Variants in MEI4 observed in about 807,000 individuals in gnomAD.
MEI4 encodes the protein meiotic double-stranded break formation protein 4.
MEI4 carries 27 observed loss-of-function variants against 31.4 expected under a neutral mutation model. The ratio of observed to expected loss-of-function variants is 0.86; its 90% CI spans 0.63 to 1.19. The LOEUF is 1.19. MEI4 is among the 50% of genes most tolerant of loss of function. MEI4 has a pLI of 0.00. For missense variants in MEI4, 329 were observed against 398.9 expected (o/e 0.82, Z 1.49); for synonymous variants, 122 against 145.4 (o/e 0.84, Z 1.16).
At chr6:77,683,406 C>T (rs773888471) in intron 1 of MEI4, among the ~76,000 whole-genome samples, 5 of 151,974 alleles carry the variant, frequency 3.3e-5, no homozygotes, top group Admixed American at 1.3e-4. Flanking sequence ...ATTTTTTGTG[C>T]GTGGTGAGAA....
intron 2 of MEI4, among the ~76,000 whole-genome samples, chr6:77,698,899 G>A (rs1459933803): frequency 6.6e-6 from 1 of 152,108 alleles, no homozygotes; most frequent in Admixed American, 6.5e-5. Context: ...TCACTTTCAG[G>A]TACACCAATC....
intron 1 of MEI4, among the ~76,000 whole-genome samples, chr6:77,687,690 T>TA (rs1769083509): frequency 6.6e-6 from 1 of 152,060 alleles, no homozygotes; most frequent in Non-Finnish European, 1.5e-5. Flanking sequence ...GTCACTCTAT[T>TA]TATTACCAGT....
At chr6:77,724,611 A>G (rs1034078900) in intron 2 of MEI4, among the ~76,000 whole-genome samples, 90 of 147,410 alleles carry the variant, frequency 6.1e-4, no homozygotes, top group Non-Finnish European at 8.8e-4. Flanking sequence ...CCGATACTGA[A>G]GTTCAGCCGG....
chr6:77,690,827 A>C lies in MEI4; in HGVS notation c.156A>C (p.Glu52Asp). 3.2e-6 allele frequency: 4 copies of C among 1,231,574 alleles called. No individual in the cohort carries two copies. Among genetic ancestry groups the C allele is most frequent in the Non-Finnish European group, 4.1e-6 (4 of 987,456 alleles). 76.3% of individuals were successfully genotyped at this position (1,231,574 alleles called of 1,614,324 possible). ...AGTCAAAATGGAGATCAAAAGTTGA[A>C]ATCTTGGAAGCTGAAGTTATGCAAT... is the stretch of plus-strand genomic sequence containing the variant. ...EEQSKWRSKVEILEAEVMQLR... is the reference protein window; with the variant it reads ...EEQSKWRSKVDILEAEVMQLR... Residue 52 changes from glutamate to aspartate, a missense_variant, in exon 2 of 5, where the codon GAA becomes GAC. Coordinates refer to ENST00000684080, the MANE Select transcript of MEI4 (RefSeq NM_001322247.2).
At chr6:77,846,810 T>G (rs996299583) in intron 4 of MEI4, among the ~76,000 whole-genome samples, 2 of 152,310 alleles carry the variant, frequency 1.3e-5, no homozygotes, top group African/African-American at 4.8e-5. Flanking sequence ...AACTGGAGTC[T>G]AAGCATTGAC....
At chr6:77,877,455 C>T (rs1034064781) in intron 4 of MEI4, among the ~76,000 whole-genome samples, 7 of 145,052 alleles carry the variant, frequency 4.8e-5, no homozygotes, top group Middle Eastern at 3.2e-3. Context: ...AAAATTAAGC[C>T]ATTTCCCTCA....
intron 3 of MEI4, among the ~76,000 whole-genome samples, chr6:77,783,718 G>A (rs1478520165): frequency 1.3e-5 from 2 of 151,958 alleles, no homozygotes; most frequent in Non-Finnish European, 2.9e-5. Context: ...AGAACATCAA[G>A]TTGAACAAAA....
At chr6:77,792,272 G>A (rs898124903) in intron 3 of MEI4, among the ~76,000 whole-genome samples, 5 of 152,076 alleles carry the variant, frequency 3.3e-5, no homozygotes, top group African/African-American at 1.2e-4. Context: ...GAGAATATAT[G>A]TTTTTTCAAA....
chr6:77,730,679 AAGTT>A (rs1235693308), intron 2 of MEI4, among the ~76,000 whole-genome samples: 6 of 151,986 alleles, frequency 3.9e-5, no homozygotes, highest in Admixed American at 2.6e-4. Flanking sequence ...CACAATGTGC[AAGTT>A]AGTTACATAT....
At chr6:77,806,929 A>G (rs550561947) in intron 3 of MEI4, among the ~76,000 whole-genome samples, 62 of 152,254 alleles carry the variant, frequency 4.1e-4, no homozygotes, top group African/African-American at 1.5e-3. Context: ...GGGTAGTTCC[A>G]ACAGAAATGT....
intron 2 of MEI4, among the ~76,000 whole-genome samples, chr6:77,741,165 G>C (rs1188105073): frequency 6.6e-6 from 1 of 152,176 alleles, no homozygotes. Context: ...AGCATGGCAT[G>C]TTTTGGTGAA....
Position 77,727,087 on chromosome 6 carries a change from G to T in MEI4, c.233-34043G>T, listed in dbSNP as rs558721603. On this transcript the variant is annotated intron_variant, in intron 2 of 4. Coordinates refer to ENST00000684080, the MANE Select transcript of MEI4 (RefSeq NM_001322247.2). ...GATCCATTGTTAGATTTCTCTTGGG[G>T]TGATACCTCCACAAAAACGGGAGAG... 5.3e-5 allele frequency among the ~76,000 whole-genome samples: 8 copies of T among 152,268 alleles called. No homozygotes were observed. The South Asian group carries it at 1.7e-3, about 32-fold the overall frequency.
chr6:77,734,905 G>T (rs1433051324), intron 2 of MEI4, among the ~76,000 whole-genome samples: 1 of 151,658 alleles, frequency 6.6e-6, no homozygotes, highest in African/African-American at 2.4e-5. Context: ...GCTTAGTTTG[G>T]CTGGATATGA....
rs553352428 is a variant in MEI4 at position 77,769,294 on chromosome 6, G to T, written c.768+7629G>T. On this transcript the variant is annotated intron_variant, in intron 3 of 4. Transcript: ENST00000684080. ...GGGCAGAACTCAGCTTGTGCCCATA[G>T]AGGGAATGTTTATACTAGGCCTGTC... Among the ~76,000 whole-genome samples the T allele has an allele frequency of 2.6e-5, 4 of 152,272 alleles. No homozygotes were observed. In the South Asian group the frequency reaches 8.3e-4, roughly 32 times the overall value.
intron 2 of MEI4, among the ~76,000 whole-genome samples, chr6:77,734,226 G>A (rs899979860): frequency 2.0e-5 from 3 of 151,980 alleles, no homozygotes; most frequent in African/African-American, 4.8e-5. Flanking sequence ...TGACAGTGCG[G>A]TGTTAACATC....
intron 3 of MEI4, among the ~76,000 whole-genome samples, chr6:77,788,551 A>G (rs1160440472): frequency 6.6e-6 from 1 of 152,206 alleles, no homozygotes; most frequent in African/African-American, 2.4e-5. Flanking sequence ...CAACTTCAGC[A>G]AAGTCTCAGG....
chr6:77,738,808 T>C lies in MEI4; in HGVS notation c.233-22322T>C, dbSNP rs145722716. On this transcript the variant is annotated intron_variant, in intron 2 of 4. Transcript: ENST00000684080. ...CTAACTGGTGTGAGATGGTAGCTCA[T>C]TGTGGTTTTGATTTGCATTTCTCTA... is the stretch of plus-strand genomic sequence containing the variant. 9.5e-3 allele frequency among the ~76,000 whole-genome samples: 1,443 copies of C among 152,330 alleles called. 18 individuals carry two copies. The highest frequency in any genetic ancestry group is 0.032 in the African/African-American group (1,340 of 41,578).
At chr6:77,818,538 C>T (rs1329240619) in intron 3 of MEI4, among the ~76,000 whole-genome samples, 1 of 152,112 alleles carries the variant, frequency 6.6e-6, no homozygotes, top group Non-Finnish European at 1.5e-5. Flanking sequence ...TAAATATACA[C>T]AAATTTTTAA....
chr6:77,855,566 T>C (rs1770726171), intron 4 of MEI4, among the ~76,000 whole-genome samples: 1 of 152,164 alleles, frequency 6.6e-6, no homozygotes, highest in African/African-American at 2.4e-5. Flanking sequence ...CTAATGGGAT[T>C]GGTTTTAGAA....
Sources: gnomAD v4.1 joint callset for allele counts (sites outside exome capture counted in the v4.1 genomes callset) on GRCh38, gnomAD v4.1.1 for gene constraint, MANE v1.5 for transcripts, NCBI Gene and HGNC (gene_info 2026-07-23, HGNC 2026-07-21) for gene names.